The following EDIL3 variants were observed in gnomAD, a reference collection of about 807,000 sequenced individuals.
The protein encoded by EDIL3 is EGF like and discoidin domains 3.
Under a neutral mutation model 67.4 loss-of-function variants are expected in EDIL3, and 37 were observed. The observed-to-expected ratio is 0.55, with a 90% CI of 0.42 to 0.72. The LOEUF (loss-of-function observed/expected upper bound fraction) is 0.72. Ranked by LOEUF, EDIL3 falls within the 30% of genes least tolerant of loss-of-function variation. EDIL3 has a pLI of 0.00. For missense variants in EDIL3, 527 were observed against 586.3 expected (o/e 0.90, Z 1.04); for synonymous variants, 195 against 196.3 (o/e 0.99, Z 0.05).
chr5:84,116,289 A>G (rs915097415), intron 5 of EDIL3, among the ~76,000 whole-genome samples: 1 of 152,092 alleles, frequency 6.6e-6, no homozygotes, highest in Non-Finnish European at 1.5e-5. Context: ...GCACACTTCG[A>G]AAAGTTGTGG....
At chr5:84,297,121 G>T (rs1268902862) in intron 1 of EDIL3, among the ~76,000 whole-genome samples, 1 of 145,592 alleles carries the variant, frequency 6.9e-6, no homozygotes, top group Non-Finnish European at 1.5e-5. Flanking sequence ...GGCAAAGCTT[G>T]CAGTGAGCCG....
chr5:84,123,423 T>C (rs1747813077), intron 5 of EDIL3, among the ~76,000 whole-genome samples: 1 of 151,988 alleles, frequency 6.6e-6, no homozygotes, highest in African/African-American at 2.4e-5. Context: ...CAATTAAACA[T>C]TCATATATGC....
chr5:83,945,958 A>G (rs116685381), intron 10 of EDIL3, among the ~76,000 whole-genome samples: 2 of 152,058 alleles, frequency 1.3e-5, no homozygotes, highest in African/African-American at 2.4e-5. Context: ...CCAGGATGAT[A>G]TTTTGTACTT....
chr5:84,017,131 T>G (rs190026514), intron 9 of EDIL3, among the ~76,000 whole-genome samples: 1 of 152,338 alleles, frequency 6.6e-6, no homozygotes, highest in East Asian at 1.9e-4. Flanking sequence ...TTAATAAATC[T>G]TTCTGTTGAT....
At chr5:84,112,625 G>C (rs1747583994) in intron 5 of EDIL3, among the ~76,000 whole-genome samples, 1 of 152,096 alleles carries the variant, frequency 6.6e-6, no homozygotes, top group Non-Finnish European at 1.5e-5. Context: ...ATATCAGTCA[G>C]GCTGCAGGGA....
chr5:84,327,503 A>G (rs1746787907), intron 1 of EDIL3, among the ~76,000 whole-genome samples: 2 of 151,976 alleles, frequency 1.3e-5, no homozygotes, highest in African/African-American at 4.8e-5. Flanking sequence ...TGATTTTACT[A>G]TGTAGTCTTC....
intron 1 of EDIL3, among the ~76,000 whole-genome samples, chr5:84,293,332 A>G (rs943903630): frequency 3.3e-5 from 5 of 152,332 alleles, no homozygotes; most frequent in Admixed American, 2.0e-4. Context: ...TTATTACCCA[A>G]TTTTAAAGTT....
chr5:84,002,218 T>C (rs1222599277), intron 9 of EDIL3, among the ~76,000 whole-genome samples: 2 of 152,110 alleles, frequency 1.3e-5, no homozygotes, highest in African/African-American at 4.8e-5. Context: ...AGGTATTTTA[T>C]AAAATTTAAC....
At chr5:84,176,229 T>A (rs922159645) in intron 4 of EDIL3, among the ~76,000 whole-genome samples, 3 of 137,956 alleles carry the variant, frequency 2.2e-5, no homozygotes, top group Non-Finnish European at 4.6e-5. Flanking sequence ...ATATATATAA[T>A]ATATTGTATG....
chr5:84,221,592 T>C (rs1189993467), intron 3 of EDIL3, among the ~76,000 whole-genome samples: 1 of 152,112 alleles, frequency 6.6e-6, no homozygotes, highest in Non-Finnish European at 1.5e-5. Context: ...CACTATTTGG[T>C]CTTTCCACTA....
At chr5:83,971,674 T>A (rs1328066452) in intron 9 of EDIL3, among the ~76,000 whole-genome samples, 1 of 152,066 alleles carries the variant, frequency 6.6e-6, no homozygotes, top group African/African-American at 2.4e-5. Context: ...TATATTATCT[T>A]GTTTTCCCTT....
At chr5:84,346,535 C>A (rs562366128) in intron 1 of EDIL3, among the ~76,000 whole-genome samples, 1 of 152,128 alleles carries the variant, frequency 6.6e-6, no homozygotes, top group Non-Finnish European at 1.5e-5. Flanking sequence ...CTTGAGTATT[C>A]TCCTGAGGTA....
chr5:84,075,213 T>G (rs1203310796), intron 6 of EDIL3, among the ~76,000 whole-genome samples: 101 of 140,544 alleles, frequency 7.2e-4, no homozygotes, highest in South Asian at 1.1e-3. Context: ...GTGGGGGGAG[T>G]GGGGAGGGAT....
intron 6 of EDIL3, among the ~76,000 whole-genome samples, chr5:84,083,120 T>C (rs960074552): frequency 2.0e-5 from 3 of 152,218 alleles, no homozygotes; most frequent in Non-Finnish European, 4.4e-5. Context: ...CGTTTAAATA[T>C]TTAATTATTT....
intron 1 of EDIL3, among the ~76,000 whole-genome samples, chr5:84,271,286 C>T (rs571099603): frequency 5.3e-4 from 81 of 151,792 alleles, no homozygotes; most frequent in Non-Finnish European, 1.0e-3. Flanking sequence ...TGGTGGTGGG[C>T]GCCTGTAGTC....
chr5:84,052,832 G>T (rs1489058787), intron 9 of EDIL3, among the ~76,000 whole-genome samples: 1 of 152,142 alleles, frequency 6.6e-6, no homozygotes, highest in Non-Finnish European at 1.5e-5. Context: ...CCTACAAAGA[G>T]ACTTAGACTC....
chr5:84,057,817 A>G (rs1746476501), intron 9 of EDIL3, among the ~76,000 whole-genome samples: 1 of 152,110 alleles, frequency 6.6e-6, no homozygotes, highest in African/African-American at 2.4e-5. Context: ...ATCTTTATGG[A>G]ATGCCCACCA....
chr5:84,210,055 T>G (rs1424299071), intron 3 of EDIL3, among the ~76,000 whole-genome samples: 1 of 152,176 alleles, frequency 6.6e-6, no homozygotes, highest in Non-Finnish European at 1.5e-5. Context: ...TAACAACAAG[T>G]TTTACAGGTT....
intron 6 of EDIL3, among the ~76,000 whole-genome samples, chr5:84,096,130 G>A (rs1747258427): frequency 6.6e-6 from 1 of 152,210 alleles, no homozygotes; most frequent in African/African-American, 2.4e-5. Flanking sequence ...CTCTGCTAGG[G>A]CAGTGCAGAA....
Sources: allele counts gnomAD v4.1 joint callset (sites outside exome capture counted in the v4.1 genomes callset), GRCh38; gene constraint gnomAD v4.1.1; transcripts MANE v1.5; gene names NCBI Gene and HGNC (gene_info 2026-07-23, HGNC 2026-07-21).